Variants in EXD2 observed in about 807,000 individuals in gnomAD.
EXD2 encodes exonuclease 3'-5' domain-containing protein 2.
A neutral mutation model predicts 62.5 loss-of-function variants in EXD2; 40 were observed. The ratio of observed to expected loss-of-function variants is 0.64; its 90% confidence interval spans 0.50 to 0.83. EXD2 has a LOEUF of 0.83. EXD2 is among the 40% of genes least tolerant of loss of function. The probability of loss-of-function intolerance (pLI) is 0.00; values close to 1 mark genes in which losing one functional copy is unlikely to be tolerated. For missense variants in EXD2, 671 were observed against 761.8 expected (o/e 0.88, Z 1.40); for synonymous variants, 239 against 291.9 (o/e 0.82, Z 1.85).
At chr14:69,193,381 A>AATGG (rs1274451011) in intron 1 of EXD2, among the ~76,000 whole-genome samples, 1 of 152,080 alleles carries the variant, frequency 6.6e-6, no homozygotes, top group African/African-American at 2.4e-5. Flanking sequence ...TTGATCATTT[A>AATGG]ATGGTATCGA....
At chr14:69,220,030 T>TA (rs2043115599) in intron 3 of EXD2, among the ~76,000 whole-genome samples, 1 of 152,010 alleles carries the variant, frequency 6.6e-6, no homozygotes, top group Non-Finnish European at 1.5e-5. Context: ...GTTTTTTTTT[T>TA]AAATCATGAA....
At chr14:69,238,020 C>A in intron 9 of EXD2, 89 bp downstream of exon 9, 1 of 1,185,958 alleles carries the variant, frequency 8.4e-7, no homozygotes, top group Non-Finnish European at 1.2e-6. Flanking sequence ...GCATTGGCTG[C>A]TTAGGCACAG....
At chr14:69,201,029 G>A (rs2042379485) in intron 1 of EXD2, among the ~76,000 whole-genome samples, 1 of 151,344 alleles carries the variant, frequency 6.6e-6, no homozygotes, top group Admixed American at 6.6e-5. Context: ...AGCTGAGATC[G>A]TGCCATTGCA....
intron 2 of EXD2, 71 bp from the exon 3 acceptor site, chr14:69,209,353 T>G (rs1389806432): frequency 6.2e-6 from 5 of 812,012 alleles, no homozygotes; most frequent in Non-Finnish European, 8.8e-6. Flanking sequence ...GGGGCATTTT[T>G]TAGAGGAAAA....
At chr14:69,227,376 T>C (rs1470191478) in intron 3 of EXD2, among the ~76,000 whole-genome samples, 5 of 152,224 alleles carry the variant, frequency 3.3e-5, no homozygotes, top group Admixed American at 2.6e-4. Context: ...TTCACCTATA[T>C]TCCTCTCCTG....
chr14:69,211,196 T>G (rs957159363), intron 3 of EXD2, among the ~76,000 whole-genome samples: 1 of 152,176 alleles, frequency 6.6e-6, no homozygotes, highest in Non-Finnish European at 1.5e-5. Context: ...CATTGCTTTA[T>G]CAACTAAGTT....
intron 3 of EXD2, among the ~76,000 whole-genome samples, chr14:69,214,404 G>C (rs2042924237): frequency 6.6e-6 from 1 of 152,098 alleles, no homozygotes; most frequent in African/African-American, 2.4e-5. Context: ...AGTCTCTCTA[G>C]ATTCATTATA....
rs1338563778 is a variant in EXD2 at position 69,243,870 on chromosome 14, G to T, written c.*2770G>T. 6.6e-6 allele frequency: 1 copy of T among 152,056 alleles called. No homozygotes were observed. The highest frequency in any genetic ancestry group is 6.6e-5 in the Admixed American group (1 of 15,250). The allele number at this position is 152,056 out of a possible 1,614,324, so 9.4% of individuals were successfully genotyped here. On this transcript the variant is annotated 3_prime_UTR_variant, in exon 10 of 10. Coordinates refer to ENST00000685843, the MANE Select transcript of EXD2 (RefSeq NM_001193360.2). Reference sequence around the variant, plus strand: ...TGCATGCTCCCTGATCATTGTGTTTGCAGGTTCAGCATTTCTTCTTGAGTC... The same window carrying T: ...TGCATGCTCCCTGATCATTGTGTTTTCAGGTTCAGCATTTCTTCTTGAGTC...
At chr14:69,221,232 A>G (rs1303152962) in intron 3 of EXD2, among the ~76,000 whole-genome samples, 1 of 152,110 alleles carries the variant, frequency 6.6e-6, no homozygotes, top group Non-Finnish European at 1.5e-5. Flanking sequence ...GGTGTTTCCT[A>G]TTTTTATGTT....
At chr14:69,225,687 G>C (rs930582041) in intron 3 of EXD2, among the ~76,000 whole-genome samples, 1 of 152,062 alleles carries the variant, frequency 6.6e-6, no homozygotes, top group Non-Finnish European at 1.5e-5. Flanking sequence ...TAATAATGTT[G>C]ATAAGCCAAG....
Position 69,241,024 on chromosome 14 carries a change from A to G in EXD2, c.1790A>G (p.Gln597Arg), listed in dbSNP as rs373305450. 4 of 1,612,984 alleles carry G rather than the reference A, an allele frequency of 2.5e-6. No individual in the cohort carries two copies. The African/African-American group carries it at 5.3e-5, about 22-fold the overall frequency. ...TCCATGCAGCCCAAGCACCTGCCCC[A>G]GCAGTGGTCAGTGGACCACAACCAT... ...LDSMQPKHLP[Q>R]QWSVDHNHQK... Residue 597 changes from glutamine (Q) to arginine (R), a missense_variant, in exon 10 of 10, where the codon CAG (glutamine) becomes CGG (arginine). Gln to Arg is a conservative substitution (Grantham distance 43, BLOSUM62 1). Transcript: ENST00000685843.
intron 1 of EXD2, among the ~76,000 whole-genome samples, chr14:69,193,766 A>G (rs1338954735): frequency 2.0e-5 from 3 of 150,982 alleles, no homozygotes; most frequent in Non-Finnish European, 4.4e-5. Context: ...ATCATTCCCA[A>G]TCCGAGTGGT....
intron 3 of EXD2, among the ~76,000 whole-genome samples, chr14:69,210,464 G>C (rs924465992): frequency 2.6e-5 from 4 of 152,104 alleles, no homozygotes; most frequent in Non-Finnish European, 5.9e-5. Flanking sequence ...AGCAAATCTT[G>C]CAAAAAAGTG....
intron 1 of EXD2, among the ~76,000 whole-genome samples, chr14:69,198,304 A>C (rs2042277182): frequency 6.6e-6 from 1 of 152,186 alleles, no homozygotes; most frequent in Admixed American, 6.5e-5. Flanking sequence ...TGATGCAGTC[A>C]TTCTGTTCAG....
At chr14:69,228,055 A>C (rs2043422613) in intron 3 of EXD2, 1 of 152,096 alleles carries the variant, frequency 6.6e-6, no homozygotes, top group African/African-American at 2.4e-5. Flanking sequence ...CTCTTTTTAA[A>C]AATTGGATCT....
At position 69,237,910 on chromosome 14, in the gene EXD2, A is replaced by G. The variant is rs563902895; in HGVS notation, c.1628A>G (p.Glu543Gly). ...GTGGTCACAGAGGAGATGCTTCAAG[A>G]GGCTGCCAGCCTGGAGACCAGGTAC... is the stretch of plus-strand genomic sequence containing the variant. The part of the protein sequence containing the change: ...TDVVTEEMLQ[E>G]AASLETRISN... The change falls in exon 9 of 10, where the codon GAG becomes GGG. Residue 543 changes from glutamate to glycine, a missense_variant. By Grantham distance (98) the Glu-to-Gly change is moderately conservative (BLOSUM62 -2). Transcript: ENST00000685843. The G allele has an allele frequency of 2.7e-5, 42 of 1,568,294 alleles. 1 individual carries two copies. The South Asian group carries it at 4.6e-4, about 17-fold the overall frequency.
intron 1 of EXD2, among the ~76,000 whole-genome samples, chr14:69,193,410 A>T (rs960954061): frequency 6.6e-6 from 1 of 152,050 alleles, no homozygotes; most frequent in African/African-American, 2.4e-5. Flanking sequence ...GTTTTTGCCA[A>T]TCTGATGGAT....
At chr14:69,200,509 C>G (rs1451914933) in intron 1 of EXD2, among the ~76,000 whole-genome samples, 3 of 150,812 alleles carry the variant, frequency 2.0e-5, no homozygotes, top group Non-Finnish European at 4.4e-5. Context: ...TGAGACCAGC[C>G]CGGGCAACAT....
chr14:69,208,377 A>G (rs1195114121), intron 2 of EXD2, among the ~76,000 whole-genome samples: 2 of 151,420 alleles, frequency 1.3e-5, no homozygotes, highest in African/African-American at 4.9e-5. Flanking sequence ...CGCCTGGCTA[A>G]TTTCTTGTCT....
Sources: gnomAD v4.1 joint callset for allele counts (sites outside exome capture counted in the v4.1 genomes callset) on GRCh38, gnomAD v4.1.1 for gene constraint, MANE v1.5 for transcripts, NCBI Gene and HGNC (gene_info 2026-07-23, HGNC 2026-07-21) for gene names.